Variants in FDFT1 observed in about 807,000 individuals in gnomAD.
FDFT1 encodes farnesyl-diphosphate farnesyltransferase 1, also known as squalene synthase.
A neutral mutation model predicts 46.8 loss-of-function variants in FDFT1; 68 were observed. The ratio of observed to expected loss-of-function variants is 1.45; its 90% CI spans 1.19 to 1.78. The LOEUF (loss-of-function observed/expected upper bound fraction) is 1.78. Ranked by LOEUF, FDFT1 falls within the 40% of genes most tolerant of loss-of-function variation. The pLI, the probability that FDFT1 is intolerant of heterozygous loss-of-function variation, is 0.00. For synonymous variants in FDFT1, 351 were observed against 185.1 expected, an observed-to-expected ratio of 1.90 and a Z score of -7.28; for missense variants, 928 against 524.4, an observed-to-expected ratio of 1.77 and a Z score of -7.52.
At chr8:11,814,178 T>C (rs921176326) in intron 3 of FDFT1, among the ~76,000 whole-genome samples, 5 of 152,192 alleles carry the variant, frequency 3.3e-5, no homozygotes, top group African/African-American at 1.2e-4. Flanking sequence ...TAATAACCTC[T>C]TGTAGAATCA....
At chr8:11,822,333 T>C (rs535103007) in intron 4 of FDFT1, among the ~76,000 whole-genome samples, 1 of 152,198 alleles carries the variant, frequency 6.6e-6, no homozygotes, top group South Asian at 2.1e-4. Context: ...TTTCATACCT[T>C]TAACTGTGCT....
rs772608684 is a variant in FDFT1 at position 11,821,849 on chromosome 8, C to T, written c.481C>T (p.His161Tyr). The change falls in exon 4 of 8, where the codon CAT becomes TAT. Residue 161 changes from histidine (H) to tyrosine (Y), a missense_variant. His to Tyr is a moderately conservative substitution (Grantham distance 83). Transcript: ENST00000220584. ...TGGGATGGCAGAGTTTTTGGATAAG[C>T]ATGTGACCTCTGAACAGGAGTGGGA... ...GIGMAEFLDK[H>Y]VTSEQEWDKY... is the part of the protein sequence containing the mutation. The T allele has an allele frequency of 2.5e-6, 4 of 1,613,328 alleles. No individual in the cohort carries two copies. The highest frequency in any genetic ancestry group is 3.4e-6 in the Non-Finnish European group (4 of 1,179,378).
chr8:11,798,702 G>C (rs1210226262), upstream of FDFT1, among the ~76,000 whole-genome samples: 2 of 152,176 alleles, frequency 1.3e-5, no homozygotes, highest in East Asian at 3.9e-4. Flanking sequence ...GCACCATCGT[G>C]TCCTATACGC....
chr8:11,806,270 C>G (rs888739223), intron 1 of FDFT1, among the ~76,000 whole-genome samples: 1 of 152,140 alleles, frequency 6.6e-6, no homozygotes, highest in African/African-American at 2.4e-5. Context: ...TAGATAAACC[C>G]AAGAGGGACA....
At chr8:11,818,700 C>G (rs1304136057) in intron 3 of FDFT1, among the ~76,000 whole-genome samples, 2 of 143,186 alleles carry the variant, frequency 1.4e-5, no homozygotes, top group East Asian at 4.1e-4. Context: ...TTTTTTTTTT[C>G]GCTTGGTAGA....
upstream of FDFT1, among the ~76,000 whole-genome samples, chr8:11,800,260 CAAAAAAAAAAAAAAAAAAAAAA>C (rs57381182): frequency 1.7e-4 from 10 of 57,892 alleles, no homozygotes; most frequent in Admixed American, 2.8e-4. Flanking sequence ...AATTCTGTCT[CAAAAAAAAAAAAAAAAAAAAAA>C]AAAAAAAAAA....
At chr8:11,805,708 G>C (rs1359034932) in intron 1 of FDFT1, among the ~76,000 whole-genome samples, 1 of 152,230 alleles carries the variant, frequency 6.6e-6, no homozygotes, top group East Asian at 1.9e-4. Flanking sequence ...ACTTGAAGTT[G>C]AGGCTTCATT....
At chr8:11,803,086 T>C in intron 1 of FDFT1, 155 bp downstream of exon 1, 1 of 1,440,820 alleles carries the variant, frequency 6.9e-7, no homozygotes, top group Non-Finnish European at 9.1e-7. Context: ...GCCTTCCCCC[T>C]GTAGGGCCCG....
At chr8:11,833,165 C>G (rs534781453) in intron 7 of FDFT1, among the ~76,000 whole-genome samples, 1 of 151,946 alleles carries the variant, frequency 6.6e-6, no homozygotes, top group African/African-American at 2.4e-5. Context: ...AGCCAGTGAC[C>G]CAAAAAATTG....
upstream of FDFT1, among the ~76,000 whole-genome samples, chr8:11,797,638 C>CAAAAAAAAAAAAAAAAA (rs34350077): frequency 4.0e-5 from 3 of 75,512 alleles, no homozygotes; most frequent in African/African-American, 1.1e-4. Flanking sequence ...CACACACACT[C>CAAAAAAAAAAAAAAAAA]AAAAAAAAAA....
At chr8:11,810,463 C>T (rs1035148475) in intron 3 of FDFT1, among the ~76,000 whole-genome samples, 2 of 152,192 alleles carry the variant, frequency 1.3e-5, no homozygotes, top group Non-Finnish European at 2.9e-5. Flanking sequence ...TCCTTATCTG[C>T]TTTGTGTCTC....
rs1282966638 is a variant in FDFT1 at position 11,831,721 on chromosome 8, A to G, written c.1032+51A>G. ...TAATTTGTAGCTACTTTTATGATTT[A>G]GTAATGTCACTGTTTAACCAGGTTT... is the stretch of plus-strand genomic sequence containing the variant. On this transcript the variant is annotated intron_variant, in intron 7 of 7. Coordinates refer to ENST00000220584, the MANE Select transcript of FDFT1 (RefSeq NM_004462.5). 3.6e-6 allele frequency: 5 copies of G among 1,407,744 alleles called. No individual in the cohort carries two copies. In the African/African-American group the frequency reaches 7.0e-5, roughly 20 times the overall value. 87.2% of individuals were successfully genotyped at this position (1,407,744 alleles called of 1,614,324 possible).
intron 3 of FDFT1, among the ~76,000 whole-genome samples, chr8:11,814,942 A>C (rs1032809481): frequency 6.6e-6 from 1 of 152,038 alleles, no homozygotes; most frequent in African/African-American, 2.4e-5. Context: ...ATAGGTATAC[A>C]TGTGCCATGT....
At chr8:11,803,096 G>T in intron 1 of FDFT1, 165 bp downstream of exon 1, 3 of 1,436,668 alleles carry the variant, frequency 2.1e-6, no homozygotes, top group Admixed American at 5.5e-5. Context: ...TGTAGGGCCC[G>T]GGTGGACGCG....
In FDFT1 at chr8:11,838,748, A is replaced by C. The variant is rs1478232803; in HGVS notation, c.*139A>C. 1.7e-5 allele frequency: 12 copies of C among 717,154 alleles called. 1 individual carries two copies. The highest frequency in any genetic ancestry group is 2.9e-5 in the Non-Finnish European group (12 of 418,400). The allele number at this position is 717,154 out of a possible 1,614,324, so 44.4% of individuals were successfully genotyped here. A position where few individuals can be genotyped will look rare whatever the true frequency, so the allele number is the denominator to read the frequency against. The stretch of plus-strand genomic sequence containing the variant: ...CGCTGTGTGGCTGGGACCTTTAGGA[A>C]AGTGAAATGCAGGTGAGAAGAACCT... On this transcript the variant is annotated 3_prime_UTR_variant, in exon 8 of 8. Coordinates refer to ENST00000220584, the MANE Select transcript of FDFT1 (RefSeq NM_004462.5).
chr8:11,836,983 A>G (rs1304935379), intron 7 of FDFT1, among the ~76,000 whole-genome samples: 2 of 152,382 alleles, frequency 1.3e-5, no homozygotes, highest in African/African-American at 4.8e-5. Context: ...GGTGAAAACT[A>G]CAGATGGTCC....
intron 5 of FDFT1, among the ~76,000 whole-genome samples, chr8:11,827,091 A>C (rs1435307844): frequency 6.6e-6 from 1 of 152,182 alleles, no homozygotes; most frequent in African/African-American, 2.4e-5. Flanking sequence ...GAAAGTAGAA[A>C]ATTTTATGAC....
chr8:11,830,496 C>T, intron 6 of FDFT1, 76 bp downstream of exon 6: 3 of 1,061,056 alleles, frequency 2.8e-6, no homozygotes, highest in Non-Finnish European at 4.3e-6. Flanking sequence ...TTTTGCTGTG[C>T]TATATTCAAG....
chr8:11,808,222 C>G, intron 1 of FDFT1: 1 of 1,166,154 alleles, frequency 8.6e-7, no homozygotes, highest in Non-Finnish European at 1.1e-6. Flanking sequence ...TTCAGCGGAG[C>G]CCGAGTAGAG....
Sources: allele counts gnomAD v4.1 joint callset (sites outside exome capture counted in the v4.1 genomes callset), GRCh38; gene constraint gnomAD v4.1.1; transcripts MANE v1.5; gene names NCBI Gene and HGNC (gene_info 2026-07-23, HGNC 2026-07-21).